The following INSYN2B variants were observed in gnomAD, a reference collection of about 807,000 sequenced individuals.
The protein encoded by INSYN2B is protein INSYN2B.
Under a neutral mutation model 41.2 loss-of-function variants are expected in INSYN2B, and 16 were observed. That is an observed-to-expected ratio of 0.39 (90% CI 0.26 to 0.59). INSYN2B has a LOEUF of 0.59. Ranked by LOEUF, INSYN2B falls within the 20% of genes least tolerant of loss-of-function variation. INSYN2B has a pLI of 0.57. For missense variants in INSYN2B, 608 were observed against 646.4 expected (o/e 0.94, Z 0.64); for synonymous variants, 245 against 244.4 (o/e 1.00, Z -0.02).
chr5:169,920,915 C>A (rs1775139078), intron 1 of INSYN2B, among the ~76,000 whole-genome samples: 1 of 152,126 alleles, frequency 6.6e-6, no homozygotes, highest in Non-Finnish European at 1.5e-5. Context: ...ATCAGCAGCT[C>A]TTATTGTCAA....
rs1771285307 is a variant in INSYN2B at position 169,862,754 on chromosome 5, C to T, written c.*1519G>A. On this transcript the variant is annotated 3_prime_UTR_variant, in exon 4 of 4. Coordinates refer to ENST00000377365, the MANE Select transcript of INSYN2B (RefSeq NM_001129891.3). ...ATTCTCACTGAAATAGCTTTGTTCA[C>T]TGCATCACTATGACAGGGGAAGGTG... Among the ~76,000 whole-genome samples the T allele has an allele frequency of 6.6e-6, 1 of 152,220 alleles. No homozygotes were observed.
chr5:169,864,124 C>A lies in INSYN2B; in HGVS notation c.*149G>T. The A allele has an allele frequency of 1.4e-6, 1 of 697,054 alleles. No homozygotes were observed. The allele number at this position is 697,054 out of a possible 1,614,324, so 43.2% of individuals were successfully genotyped here. A position where few individuals can be genotyped will look rare whatever the true frequency, so the allele number is the denominator to read the frequency against. The stretch of plus-strand genomic sequence containing the variant: ...GTGGTCAGGTGTCCAGCAGCGGCTA[C>A]ATCAGCTCCAAGGCTCTTCTGTTTC... On this transcript the variant is annotated 3_prime_UTR_variant, in exon 4 of 4. Transcript: ENST00000377365.
chr5:169,956,893 T>C (rs1581469895), intron 1 of INSYN2B, among the ~76,000 whole-genome samples: 1 of 152,178 alleles, frequency 6.6e-6, no homozygotes, highest in Non-Finnish European at 1.5e-5. Flanking sequence ...TGTTTCTGTA[T>C]TGGCCAACAT....
At chr5:169,917,463 T>C (rs555529055) in intron 1 of INSYN2B, among the ~76,000 whole-genome samples, 1 of 152,210 alleles carries the variant, frequency 6.6e-6, no homozygotes, top group Non-Finnish European at 1.5e-5. Context: ...TTAATTACTG[T>C]GACTATCAGT....
intron 1 of INSYN2B, among the ~76,000 whole-genome samples, chr5:169,941,263 C>T (rs1216084969): frequency 6.6e-6 from 1 of 152,144 alleles, no homozygotes; most frequent in Non-Finnish European, 1.5e-5. Context: ...GGCTGGAATG[C>T]AATGGATAAT....
chr5:169,948,613 A>ATT (rs772095719), intron 1 of INSYN2B, among the ~76,000 whole-genome samples: 7 of 135,942 alleles, frequency 5.1e-5, no homozygotes, highest in Admixed American at 1.5e-4. Flanking sequence ...TCCACAATTA[A>ATT]TTTTTTTTTT....
chr5:169,888,067 A>G (rs1024401689), intron 1 of INSYN2B, among the ~76,000 whole-genome samples: 3 of 152,268 alleles, frequency 2.0e-5, no homozygotes, highest in African/African-American at 4.8e-5. Flanking sequence ...GAAAATTTGA[A>G]TAGTCAAACG....
chr5:169,952,446 C>G (rs1394187759), intron 1 of INSYN2B, among the ~76,000 whole-genome samples: 3 of 152,082 alleles, frequency 2.0e-5, no homozygotes, highest in Non-Finnish European at 4.4e-5. Flanking sequence ...AGAAGTAGCA[C>G]TGAGTCAGAT....
chr5:169,889,286 T>A (rs1158693225), intron 1 of INSYN2B, among the ~76,000 whole-genome samples: 1 of 152,236 alleles, frequency 6.6e-6, no homozygotes, highest in Admixed American at 6.5e-5. Flanking sequence ...TCAGTAGGTC[T>A]CATGTCTGTT....
intron 1 of INSYN2B, among the ~76,000 whole-genome samples, chr5:169,935,104 G>C (rs1026770813): frequency 2.0e-5 from 3 of 152,180 alleles, no homozygotes; most frequent in African/African-American, 7.2e-5. Context: ...TGAAGACAGC[G>C]TGGCAAGATT....
chr5:169,945,776 A>C (rs962900498), intron 1 of INSYN2B, among the ~76,000 whole-genome samples: 6 of 152,216 alleles, frequency 3.9e-5, no homozygotes, highest in Admixed American at 3.3e-4. Context: ...GCTTTTCTTC[A>C]GCAGCCAGCA....
At chr5:169,978,344 A>C in intron 1 of INSYN2B, among the ~76,000 whole-genome samples, 1 of 115,114 alleles carries the variant, frequency 8.7e-6, no homozygotes, top group South Asian at 3.1e-4. Context: ...CCCTCAGTTC[A>C]CATGGCACTG....
intron 1 of INSYN2B, among the ~76,000 whole-genome samples, chr5:169,924,865 T>C (rs1775354308): frequency 6.6e-6 from 1 of 152,146 alleles, no homozygotes; most frequent in South Asian, 2.1e-4. Context: ...AGTTTTTCAA[T>C]TTGTGACTTC....
intron 3 of INSYN2B, chr5:169,875,813 G>C (rs531938490): frequency 6.6e-6 from 1 of 152,550 alleles, no homozygotes; most frequent in Admixed American, 6.5e-5. Context: ...GATCTCTTTC[G>C]TCAGCTGTTA....
At chr5:169,903,188 G>C (rs910741238) in intron 1 of INSYN2B, among the ~76,000 whole-genome samples, 4 of 151,564 alleles carry the variant, frequency 2.6e-5, no homozygotes, top group Admixed American at 2.0e-4. Context: ...GAGGTGGGAG[G>C]ATCTTTTCAG....
At chr5:169,976,184 C>T (rs1042505210) in intron 1 of INSYN2B, among the ~76,000 whole-genome samples, 1 of 152,158 alleles carries the variant, frequency 6.6e-6, no homozygotes, top group Non-Finnish European at 1.5e-5. Flanking sequence ...TACCTTCTGA[C>T]AAAGAACAAT....
rs182493500 is a variant in INSYN2B at position 169,911,457 on chromosome 5, T to C, written c.-918-26641A>G. 4.5e-4 allele frequency among the ~76,000 whole-genome samples: 69 copies of C among 152,314 alleles called. 1 individual carries two copies. Among genetic ancestry groups the C allele is most frequent in the East Asian group, 4.4e-3 (23 of 5,188 alleles). ...GAGCTGTACATAAGATTGCCCTCCA[T>C]GTCCAGACTGGGGATGTTTAATGTG... On this transcript the variant is annotated intron_variant, in intron 1 of 3. Transcript: ENST00000377365.
intron 1 of INSYN2B, among the ~76,000 whole-genome samples, chr5:169,913,572 A>C (rs763934501): frequency 6.6e-6 from 1 of 152,226 alleles, no homozygotes; most frequent in Admixed American, 6.5e-5. Context: ...AAACAAAAAT[A>C]AAAATAAACA....
chr5:169,936,886 A>G (rs1393141351), intron 1 of INSYN2B, among the ~76,000 whole-genome samples: 1 of 152,166 alleles, frequency 6.6e-6, no homozygotes, highest in Admixed American at 6.5e-5. Flanking sequence ...CCTTCACTTA[A>G]TGAGCCAGAC....
Sources: allele counts gnomAD v4.1 joint callset (sites outside exome capture counted in the v4.1 genomes callset), GRCh38; gene constraint gnomAD v4.1.1; transcripts MANE v1.5; gene names NCBI Gene and HGNC (gene_info 2026-07-23, HGNC 2026-07-21).